The following FHOD3 variants were observed in gnomAD, a reference collection of about 807,000 sequenced individuals.
The protein encoded by FHOD3 is FH1/FH2 domain-containing protein 3.
FHOD3 carries 90 observed loss-of-function variants against 173.0 expected under a neutral mutation model. The observed-to-expected ratio is 0.52, with a 90% CI of 0.44 to 0.62. The LOEUF is 0.62. Among genes scored for constraint, FHOD3 ranks in the 20% least tolerant of loss-of-function variants. The pLI is 0.00. For synonymous variants in FHOD3, 828 were observed against 823.0 expected (o/e 1.01, Z -0.10); for missense variants, 1,945 against 2,034.7 (o/e 0.96, Z 0.85).
intron 17 of FHOD3, among the ~76,000 whole-genome samples, chr18:36,701,496 G>C (rs2039586886): frequency 6.6e-6 from 1 of 152,100 alleles, no homozygotes; most frequent in African/African-American, 2.4e-5. Flanking sequence ...CGTAATCTGA[G>C]GGGCAAGAGT....
At chr18:36,609,830 T>C (rs2032484090) in intron 8 of FHOD3, among the ~76,000 whole-genome samples, 1 of 152,122 alleles carries the variant, frequency 6.6e-6, no homozygotes, top group South Asian at 2.1e-4. Flanking sequence ...AGGCTGGTCT[T>C]CAGCTCCTAG....
chr18:36,425,402 G>A (rs923944665), intron 3 of FHOD3, among the ~76,000 whole-genome samples: 1 of 152,312 alleles, frequency 6.6e-6, no homozygotes, highest in East Asian at 1.9e-4. Context: ...TATCAATGAA[G>A]GGGAGGGATG....
At chr18:36,355,826 GTA>G (rs2145769733) in intron 2 of FHOD3, among the ~76,000 whole-genome samples, 181 bp downstream of exon 2, 1 of 152,344 alleles carries the variant, frequency 6.6e-6, no homozygotes, top group Admixed American at 6.5e-5. Context: ...TCCATTTTGA[GTA>G]ACTTTTCTTG....
intron 5 of FHOD3, among the ~76,000 whole-genome samples, chr18:36,564,889 G>GA (rs1484200862): frequency 6.6e-6 from 1 of 152,126 alleles, no homozygotes. Flanking sequence ...GACTGCTTTA[G>GA]AAAAATTTGC....
chr18:36,556,810 C>G (rs1216333132), intron 5 of FHOD3, among the ~76,000 whole-genome samples: 1 of 152,130 alleles, frequency 6.6e-6, no homozygotes, highest in Non-Finnish European at 1.5e-5. Flanking sequence ...GTATTTCTAC[C>G]TGGCACCATT....
chr18:36,395,564 G>A (rs2146560179), intron 3 of FHOD3, among the ~76,000 whole-genome samples: 1 of 151,968 alleles, frequency 6.6e-6, no homozygotes, highest in Admixed American at 6.6e-5. Flanking sequence ...ATTCTAAGAT[G>A]GTATTTTCCT....
intron 5 of FHOD3, among the ~76,000 whole-genome samples, chr18:36,541,877 CCTTTCTTCTAAGT>C (rs2057237004): frequency 1.3e-5 from 2 of 152,228 alleles, no homozygotes; most frequent in Non-Finnish European, 2.9e-5. Flanking sequence ...AAGGTAATGC[CCTTTCTTCTAAGT>C]ACTCAGATCT....
chr18:36,618,919 C>G (rs1344176424), intron 9 of FHOD3, among the ~76,000 whole-genome samples: 2 of 152,182 alleles, frequency 1.3e-5, no homozygotes, highest in African/African-American at 4.8e-5. Context: ...CCTGGATCCT[C>G]TGTTTCTGAC....
intron 20 of FHOD3, among the ~76,000 whole-genome samples, chr18:36,736,269 A>G (rs999576905): frequency 2.0e-5 from 3 of 152,248 alleles, no homozygotes; most frequent in African/African-American, 7.2e-5. Context: ...TACAGTGTGC[A>G]CTGTTAGCTT....
rs548380043 is a variant in FHOD3, at chr18:36,481,494, C to T, written c.338-20438C>T. 1.5e-4 allele frequency among the ~76,000 whole-genome samples: 23 copies of T among 151,618 alleles called. No individual in the cohort carries two copies. In the East Asian group the frequency reaches 2.3e-3, roughly 15 times the overall value. Reference sequence around the variant, plus strand: ...ATAGCAGTCACCACCCTCCCTTCTTCCCACTTTCTCTTTTCACCCCCTCCC... The same window carrying T: ...ATAGCAGTCACCACCCTCCCTTCTTTCCACTTTCTCTTTTCACCCCCTCCC... On this transcript the variant is annotated intron_variant, in intron 3 of 28. Transcript: ENST00000590592.
At chr18:36,566,752 A>AC (rs958825244) in intron 5 of FHOD3, among the ~76,000 whole-genome samples, 24 of 152,122 alleles carry the variant, frequency 1.6e-4, no homozygotes, top group Non-Finnish European at 3.4e-4. Context: ...GGAAGAGAAG[A>AC]CCTGTCTCAG....
At chr18:36,419,314 C>T (rs1187775523) in intron 3 of FHOD3, among the ~76,000 whole-genome samples, 1 of 151,842 alleles carries the variant, frequency 6.6e-6, no homozygotes, top group Non-Finnish European at 1.5e-5. Context: ...GACTATTCCT[C>T]TTGAGTTCAA....
At chr18:36,414,343 C>T (rs1016371968) in intron 3 of FHOD3, among the ~76,000 whole-genome samples, 24 of 152,208 alleles carry the variant, frequency 1.6e-4, no homozygotes, top group Non-Finnish European at 3.4e-4. Context: ...GATTGAAAAC[C>T]AAATCCTACT....
In FHOD3 at chr18:36,780,061, G is replaced by A; in HGVS notation, c.*531G>A. ...AATAAATAGAGTTTAATGCCATAATGAGAAACTTTTATTCTTCTGGGAACA... is the reference window on the plus strand; with the variant it reads ...AATAAATAGAGTTTAATGCCATAATAAGAAACTTTTATTCTTCTGGGAACA... On this transcript the variant is annotated 3_prime_UTR_variant, in exon 29 of 29. Coordinates refer to ENST00000590592, the MANE Select transcript of FHOD3 (RefSeq NM_001281740.3). The A allele has an allele frequency of 9.7e-7, 1 of 1,025,950 alleles. No homozygotes were observed. 63.6% of individuals were successfully genotyped at this position (1,025,950 alleles called of 1,614,324 possible).
At chr18:36,754,622 A>G (rs1009007071) in intron 24 of FHOD3, among the ~76,000 whole-genome samples, 2 of 152,118 alleles carry the variant, frequency 1.3e-5, no homozygotes, top group Non-Finnish European at 2.9e-5. Context: ...CATGTTATTC[A>G]TAATATGTTC....
chr18:36,324,362 G>C (rs1459163197), intron 1 of FHOD3, among the ~76,000 whole-genome samples: 5 of 152,078 alleles, frequency 3.3e-5, no homozygotes, highest in African/African-American at 1.2e-4. Context: ...AGCCATAAAG[G>C]AATAAATAAG....
At chr18:36,679,507 C>T (rs1427602796) in intron 14 of FHOD3, among the ~76,000 whole-genome samples, 2 of 151,910 alleles carry the variant, frequency 1.3e-5, no homozygotes, top group East Asian at 1.9e-4. Flanking sequence ...TCTTTCTTTT[C>T]TTCTAATATA....
intron 14 of FHOD3, among the ~76,000 whole-genome samples, chr18:36,663,119 A>T (rs1252172458): frequency 2.6e-5 from 4 of 152,182 alleles, no homozygotes; most frequent in Non-Finnish European, 5.9e-5. Context: ...CCTACTGAAG[A>T]AAGCCTTTTT....
At chr18:36,528,521 T>A (rs1406195444) in intron 5 of FHOD3, among the ~76,000 whole-genome samples, 1 of 152,204 alleles carries the variant, frequency 6.6e-6, no homozygotes, top group Non-Finnish European at 1.5e-5. Context: ...AATTTCATGA[T>A]GTCCTTGTCC....
Sources: allele counts gnomAD v4.1 joint callset (sites outside exome capture counted in the v4.1 genomes callset), GRCh38; gene constraint gnomAD v4.1.1; transcripts MANE v1.5; gene names NCBI Gene and HGNC (gene_info 2026-07-23, HGNC 2026-07-21).